The following XPNPEP3 variants were observed in gnomAD, a reference collection of about 807,000 sequenced individuals.
XPNPEP3 encodes the protein X-prolyl aminopeptidase 3.
Under a neutral mutation model 60.0 loss-of-function variants are expected in XPNPEP3, and 41 were observed. The observed-to-expected ratio is 0.68, with a 90% CI of 0.53 to 0.89. The LOEUF is 0.89. XPNPEP3 is among the 40% of genes least tolerant of loss of function. XPNPEP3 has a pLI of 0.00. For missense variants in XPNPEP3, 598 were observed against 638.9 expected (o/e 0.94, Z 0.69); for synonymous variants, 212 against 223.2 (o/e 0.95, Z 0.45).
chr22:40,919,856 G>A (rs73412770), intron 7 of XPNPEP3, among the ~76,000 whole-genome samples: 1,850 of 152,210 alleles, frequency 0.012, 42 homozygotes, highest in African/African-American at 0.043. Flanking sequence ...TTTAATTACT[G>A]ATCGAATGTT....
intron 4 of XPNPEP3, among the ~76,000 whole-genome samples, chr22:40,903,874 TCACACACACACACACA>T (rs10560459): frequency 4.9e-4 from 71 of 146,022 alleles, no homozygotes; most frequent in South Asian, 2.7e-3. Context: ...TCTCTCTCTG[TCACACACACACACACA>T]CACACACACA....
intron 4 of XPNPEP3, among the ~76,000 whole-genome samples, chr22:40,886,886 A>T (rs1248089624): frequency 6.6e-6 from 1 of 151,904 alleles, no homozygotes; most frequent in African/African-American, 2.4e-5. Context: ...GAAAAATCGT[A>T]AGCTCTTGAG....
At chr22:40,890,450 G>A (rs1181529362) in intron 4 of XPNPEP3, among the ~76,000 whole-genome samples, 2 of 152,114 alleles carry the variant, frequency 1.3e-5, no homozygotes, top group South Asian at 2.1e-4. Context: ...GAGGTAGGAC[G>A]ATCACTTGAG....
At position 40,929,215 on chromosome 22, in the gene XPNPEP3, G is replaced by T. The variant is rs1472139489; in HGVS notation, c.*2780G>T. 2 of 138,868 alleles carry T rather than the reference G, an allele frequency of 1.4e-5. No homozygotes were observed. Among genetic ancestry groups the T allele is most frequent in the Non-Finnish European group, 3.1e-5 (2 of 65,532 alleles). 8.6% of individuals were successfully genotyped at this position (138,868 alleles called of 1,614,324 possible). On this transcript the variant is annotated 3_prime_UTR_variant, in exon 10 of 10. Transcript: ENST00000357137. The stretch of plus-strand genomic sequence containing the variant: ...TTCTTTTTTTTTTTTTTTTTGAGAC[G>T]GAGTCTCACACTGTCACCGGGGCTG...
intron 4 of XPNPEP3, among the ~76,000 whole-genome samples, chr22:40,893,765 T>G (rs2058097384): frequency 6.6e-6 from 1 of 151,978 alleles, no homozygotes. Context: ...TACAGGCATG[T>G]GCCACTACGC....
intron 4 of XPNPEP3, among the ~76,000 whole-genome samples, chr22:40,902,954 C>T (rs1231577758): frequency 2.6e-5 from 4 of 152,164 alleles, no homozygotes; most frequent in African/African-American, 2.4e-5. Context: ...CACCTCAGAA[C>T]CCAAGAGCCT....
intron 3 of XPNPEP3, among the ~76,000 whole-genome samples, chr22:40,883,560 C>G (rs1211826850): frequency 6.6e-6 from 1 of 152,042 alleles, no homozygotes; most frequent in Non-Finnish European, 1.5e-5. Context: ...TGGAGTTTCA[C>G]TTTGTTGCCT....
At chr22:40,903,913 A>G (rs955750672) in intron 4 of XPNPEP3, among the ~76,000 whole-genome samples, 1 of 128,188 alleles carries the variant, frequency 7.8e-6, no homozygotes, top group African/African-American at 3.1e-5. Context: ...CACACACACA[A>G]GTTTCATGAA....
intron 2 of XPNPEP3, among the ~76,000 whole-genome samples, chr22:40,872,367 G>T (rs2058009511): frequency 6.6e-6 from 1 of 152,020 alleles, no homozygotes; most frequent in Non-Finnish European, 1.5e-5. Flanking sequence ...CAGTCTCTTT[G>T]ATTACTACCT....
intron 7 of XPNPEP3, among the ~76,000 whole-genome samples, chr22:40,918,529 C>G (rs1024627954): frequency 4.6e-5 from 7 of 151,740 alleles, no homozygotes; most frequent in Admixed American, 1.3e-4. Context: ...CACACACACA[C>G]AGAAATCAGC....
At chr22:40,883,069 A>G (rs946121886) in intron 3 of XPNPEP3, among the ~76,000 whole-genome samples, 6 of 152,140 alleles carry the variant, frequency 3.9e-5, no homozygotes, top group African/African-American at 1.4e-4. Context: ...AAAAATAAAT[A>G]AATTAAGGAC....
chr22:40,858,540 T>TC (rs2145761312), intron 1 of XPNPEP3, among the ~76,000 whole-genome samples: 1 of 146,884 alleles, frequency 6.8e-6, no homozygotes, highest in East Asian at 2.0e-4. Context: ...TTTTTTTTTT[T>TC]TTTTTTGAGA....
chr22:40,924,874 A>T (rs1445925057), intron 9 of XPNPEP3, among the ~76,000 whole-genome samples: 1 of 152,214 alleles, frequency 6.6e-6, no homozygotes, highest in Non-Finnish European at 1.5e-5. Flanking sequence ...AGACAGGAAA[A>T]AAAGTCCAGT....
At chr22:40,886,152 C>T (rs2058067759) in intron 3 of XPNPEP3, among the ~76,000 whole-genome samples, 161 bp from the exon 4 acceptor site, 3 of 152,122 alleles carry the variant, frequency 2.0e-5, no homozygotes, top group Admixed American at 2.0e-4. Context: ...ATAATCAAAC[C>T]TTTATTGCTT....
At position 40,922,313 on chromosome 22, in the gene XPNPEP3, T is replaced by C; in HGVS notation, c.1056-20T>C. 1 of 1,613,704 alleles carries C rather than the reference T, an allele frequency of 6.2e-7. No individual in the cohort carries two copies. The highest frequency in any genetic ancestry group is 8.5e-7 in the Non-Finnish European group (1 of 1,179,790). On this transcript the variant is annotated intron_variant, in intron 7 of 9. Transcript: ENST00000357137. ...TATCAGATTATCTAAGTTCAGGTTC[T>C]TTGGTTTTCCCGTCCCCAGGTTCAC...
chr22:40,886,431 TCAG>T lies in XPNPEP3; in HGVS notation c.713_715del (p.Gln238del), dbSNP rs1365915686. On this transcript the variant is annotated inframe_deletion, in exon 4 of 10. Transcript: ENST00000357137. ...AGAGCAAGAACAAGGTTCGGGGTGT[TCAG>T]CAGCTGATACAGCGCCTCCGGCTGA... The T allele has an allele frequency of 1.2e-6, 2 of 1,614,140 alleles. No individual in the cohort carries two copies. The highest frequency in any genetic ancestry group is 2.2e-5 in the South Asian group (2 of 91,084).
chr22:40,886,402 G>A lies in XPNPEP3; in HGVS notation c.679G>A (p.Ala227Thr). 3 of 1,614,172 alleles carry A rather than the reference G, an allele frequency of 1.9e-6. No individual in the cohort carries two copies. The highest frequency in any genetic ancestry group is 2.5e-6 in the Non-Finnish European group (3 of 1,180,030). Residue 227 changes from alanine to threonine, a missense_variant, in exon 4 of 10, where the codon GCC (alanine) becomes ACC (threonine). Transcript: ENST00000357137. ...DYMQPLTEAK[A>T]KSKNKVRGVQ... ...TATGCAGCCCCTGACTGAGGCCAAA[G>A]CCAAGAGCAAGAACAAGGTTCGGGG...
intron 4 of XPNPEP3, among the ~76,000 whole-genome samples, chr22:40,898,224 CAT>C (rs2058116873): frequency 1.4e-5 from 1 of 70,228 alleles, no homozygotes; most frequent in Non-Finnish European, 2.8e-5. Flanking sequence ...GTCTTTGACC[CAT>C]TTTTTTTTTT....
At position 40,914,862 on chromosome 22, in the gene XPNPEP3, A is replaced by G. The variant is rs372581456; in HGVS notation, c.1055+538A>G. ...TCTGGACAAAATATTAAAAATAACT[A>G]TTTAAAGGCACTAGAGATCCCTTTG... On this transcript the variant is annotated intron_variant, in intron 7 of 9. Transcript: ENST00000357137. Among the ~76,000 whole-genome samples, 103 of 152,194 alleles carry G rather than the reference A, an allele frequency of 6.8e-4. No individual in the cohort carries two copies. In the Middle Eastern group the frequency reaches 0.014, roughly 20 times the overall value.
Sources: gnomAD v4.1 joint callset for allele counts (sites outside exome capture counted in the v4.1 genomes callset) on GRCh38, gnomAD v4.1.1 for gene constraint, MANE v1.5 for transcripts, NCBI Gene and HGNC (gene_info 2026-07-23, HGNC 2026-07-21) for gene names.